SDK1: variants seen among roughly 807,000 people sequenced by gnomAD.
SDK1 encodes protein sidekick-1.
Under a neutral mutation model 245.5 loss-of-function variants are expected in SDK1, and 157 were observed. That is an observed-to-expected ratio of 0.64 (90% CI 0.56 to 0.73). The LOEUF (loss-of-function observed/expected upper bound fraction) is 0.73, where lower values mean the gene tolerates loss of function less well. Ranked by LOEUF, SDK1 falls within the 30% of genes least tolerant of loss-of-function variation. The pLI is 0.00. For missense variants in SDK1, 3,583 were observed against 3,002.3 expected (o/e 1.19, Z -4.52); for synonymous variants, 1,647 against 1,278.5 (o/e 1.29, Z -6.15).
chr7:3,999,894 C>T (rs1377038008), intron 14 of SDK1, among the ~76,000 whole-genome samples: 3 of 152,086 alleles, frequency 2.0e-5, no homozygotes, highest in South Asian at 2.1e-4. Context: ...GGGATGCCTG[C>T]GAGGGACAGA....
At chr7:3,424,055 G>GTGC (rs1779606661) in intron 1 of SDK1, among the ~76,000 whole-genome samples, 1 of 151,910 alleles carries the variant, frequency 6.6e-6, no homozygotes, top group Non-Finnish European at 1.5e-5. Context: ...CGGACTACAG[G>GTGC]TGCGCGCCAC....
chr7:3,487,773 A>AG (rs1781746098), intron 1 of SDK1, among the ~76,000 whole-genome samples: 1 of 151,192 alleles, frequency 6.6e-6, no homozygotes, highest in South Asian at 2.1e-4. Flanking sequence ...AAAAAAAAAA[A>AG]AAAGAAAAGG....
chr7:4,146,043 G>A (rs1779951406), intron 29 of SDK1, 127 bp downstream of exon 29: 2 of 789,894 alleles, frequency 2.5e-6, no homozygotes, highest in Admixed American at 3.0e-5. Context: ...GAAGGGATGT[G>A]AGCATTTACA....
At chr7:3,489,018 G>C (rs1307788368) in intron 1 of SDK1, among the ~76,000 whole-genome samples, 1 of 152,106 alleles carries the variant, frequency 6.6e-6, no homozygotes, top group African/African-American at 2.4e-5. Flanking sequence ...ACCAGTCGTT[G>C]GGAATGATAT....
At chr7:4,264,673 G>A (rs1788335617) in intron 44 of SDK1, among the ~76,000 whole-genome samples, 1 of 150,912 alleles carries the variant, frequency 6.6e-6, no homozygotes, top group Non-Finnish European at 1.5e-5. Flanking sequence ...CTGAGTGAGG[G>A]AGGCTGCGTA....
At chr7:3,462,394 A>G (rs938287392) in intron 1 of SDK1, among the ~76,000 whole-genome samples, 6 of 152,156 alleles carry the variant, frequency 3.9e-5, no homozygotes, top group Admixed American at 2.0e-4. Flanking sequence ...ATTGAATGTT[A>G]GCATTTCCCA....
At chr7:3,322,814 T>C (rs1331217395) in intron 1 of SDK1, among the ~76,000 whole-genome samples, 1 of 152,084 alleles carries the variant, frequency 6.6e-6, no homozygotes, top group Non-Finnish European at 1.5e-5. Context: ...CCTGCCCTTT[T>C]CCCCCACCCA....
intron 1 of SDK1, among the ~76,000 whole-genome samples, chr7:3,402,230 G>C (rs570417010): frequency 6.6e-6 from 1 of 152,260 alleles, no homozygotes; most frequent in South Asian, 2.1e-4. Context: ...ATCTAATTGA[G>C]ATTCTTAGGA....
At chr7:4,171,823 G>T (rs910045815) in intron 32 of SDK1, among the ~76,000 whole-genome samples, 2 of 152,268 alleles carry the variant, frequency 1.3e-5, no homozygotes, top group Admixed American at 1.3e-4. Context: ...TCGGACCTGG[G>T]GCTGCAAGCC....
Position 3,830,744 on chromosome 7 carries a change from G to T in SDK1, c.847+9161G>T, listed in dbSNP as rs575204354. ...GAACTCGGGCTCAAACAGTCGTCCT[G>T]TCTCGGCCTCCCAAAGTGCTGGGAT... On this transcript the variant is annotated intron_variant, in intron 5 of 44. Coordinates refer to ENST00000404826, the MANE Select transcript of SDK1 (RefSeq NM_152744.4). 4.1e-4 allele frequency among the ~76,000 whole-genome samples: 63 copies of T among 152,284 alleles called. 1 individual carries two copies. The South Asian group carries it at 0.012, about 30-fold the overall frequency.
chr7:3,519,134 A>C (rs1343044868), intron 1 of SDK1, among the ~76,000 whole-genome samples: 1 of 152,084 alleles, frequency 6.6e-6, no homozygotes, highest in African/African-American at 2.4e-5. Flanking sequence ...AGAGAATAGG[A>C]GGGTTGAAGG....
chr7:3,942,587 T>G (rs887466074), intron 5 of SDK1, among the ~76,000 whole-genome samples: 1 of 128,696 alleles, frequency 7.8e-6, no homozygotes, highest in African/African-American at 3.3e-5. Flanking sequence ...TGTGTGTGTG[T>G]GTTTTAAAAA....
At chr7:3,614,407 C>A (rs1324290153) in intron 1 of SDK1, among the ~76,000 whole-genome samples, 4 of 152,158 alleles carry the variant, frequency 2.6e-5, no homozygotes, top group Non-Finnish European at 5.9e-5. Flanking sequence ...ATTTGAAATA[C>A]ACACACACCC....
At chr7:3,877,805 A>C (rs1781111255) in intron 5 of SDK1, among the ~76,000 whole-genome samples, 1 of 152,238 alleles carries the variant, frequency 6.6e-6, no homozygotes, top group African/African-American at 2.4e-5. Context: ...ACATGTTTTC[A>C]TGTCAGCAAT....
At chr7:4,215,148 A>G (rs1784721329) in intron 38 of SDK1, among the ~76,000 whole-genome samples, 1 of 152,228 alleles carries the variant, frequency 6.6e-6, no homozygotes, top group Non-Finnish European at 1.5e-5. Flanking sequence ...GACAAGCCAC[A>G]TCCCGTACCC....
chr7:4,250,244 T>A (rs1787204389), intron 44 of SDK1, among the ~76,000 whole-genome samples: 1 of 152,250 alleles, frequency 6.6e-6, no homozygotes, highest in Admixed American at 6.5e-5. Context: ...TTTCATCAGT[T>A]CTCTTTCACA....
At chr7:3,345,229 T>C (rs1423048162) in intron 1 of SDK1, among the ~76,000 whole-genome samples, 1 of 152,214 alleles carries the variant, frequency 6.6e-6, no homozygotes, top group Admixed American at 6.5e-5. Flanking sequence ...AAAATGCTTA[T>C]GCTGATACCT....
chr7:3,506,834 G>GTT (rs532944981), intron 1 of SDK1, among the ~76,000 whole-genome samples: 9 of 139,072 alleles, frequency 6.5e-5, no homozygotes, highest in African/African-American at 2.4e-4. Context: ...TACATGTCTT[G>GTT]TTTTTTTTTT....
At chr7:3,762,954 C>T (rs947259322) in intron 4 of SDK1, among the ~76,000 whole-genome samples, 1 of 152,130 alleles carries the variant, frequency 6.6e-6, no homozygotes, top group Non-Finnish European at 1.5e-5. Context: ...CCTCCTGGTT[C>T]TTTCCCTCTT....
Sources: allele counts gnomAD v4.1 joint callset (sites outside exome capture counted in the v4.1 genomes callset), GRCh38; gene constraint gnomAD v4.1.1; transcripts MANE v1.5; gene names NCBI Gene and HGNC (gene_info 2026-07-23, HGNC 2026-07-21).